AFF3: variants seen among roughly 807,000 people sequenced by gnomAD.
AFF3 encodes AF4/FMR2 family member 3.
AFF3 carries 32 observed loss-of-function variants against 129.7 expected under a neutral mutation model. The observed-to-expected ratio is 0.25, with a 90% confidence interval of 0.19 to 0.33. AFF3 has a LOEUF of 0.33. Among genes scored for constraint, AFF3 ranks in the 10% least tolerant of loss-of-function variants. The probability of loss-of-function intolerance (pLI) is 1.00; values close to 1 mark genes in which losing one functional copy is unlikely to be tolerated. For missense variants in AFF3, 1,373 were observed against 1,592.0 expected, an observed-to-expected ratio of 0.86 and a Z score of 2.34; for synonymous variants, 644 against 635.4, an observed-to-expected ratio of 1.01 and a Z score of -0.20.
At chr2:99,732,347 CAA>C (rs35379808) in intron 10 of AFF3, among the ~76,000 whole-genome samples, 11 of 74,868 alleles carry the variant, frequency 1.5e-4, no homozygotes, top group East Asian at 4.8e-4. Flanking sequence ...GACTCTGTCT[CAA>C]AAAAAAAAAA....
chr2:100,059,931 T>A (rs1405272744), intron 4 of AFF3, among the ~76,000 whole-genome samples: 1 of 152,174 alleles, frequency 6.6e-6, no homozygotes, highest in East Asian at 1.9e-4. Flanking sequence ...CCAGTCATGA[T>A]GCGTGTCTTT....
chr2:99,604,119 T>C (rs1680102757), intron 13 of AFF3, among the ~76,000 whole-genome samples: 1 of 152,230 alleles, frequency 6.6e-6, no homozygotes, highest in African/African-American at 2.4e-5. Flanking sequence ...ATCCCATTAC[T>C]GGGTATATAC....
chr2:99,666,084 G>C (rs1472929414), intron 12 of AFF3, among the ~76,000 whole-genome samples: 2 of 152,214 alleles, frequency 1.3e-5, no homozygotes, highest in African/African-American at 4.8e-5. Context: ...TCTCACAACA[G>C]GAGGACACAG....
intron 11 of AFF3, among the ~76,000 whole-genome samples, chr2:99,678,022 C>T (rs1674162741): frequency 6.6e-6 from 1 of 152,210 alleles, no homozygotes; most frequent in Non-Finnish European, 1.5e-5. Context: ...ACTTCTGTGT[C>T]CACTGTGTGG....
At chr2:100,020,663 C>T (rs1046168964) in intron 4 of AFF3, among the ~76,000 whole-genome samples, 1 of 152,024 alleles carries the variant, frequency 6.6e-6, no homozygotes. Context: ...TTTCCCATGC[C>T]CCCCATATCC....
chr2:99,750,401 C>CTTTTTTTTTTTCTTTTCTT (rs897269176), intron 9 of AFF3, among the ~76,000 whole-genome samples: 1 of 55,464 alleles, frequency 1.8e-5, no homozygotes, highest in Non-Finnish European at 4.1e-5. Flanking sequence ...GTAAAAAGTA[C>CTTTTTTTTTTTCTTTTCTT]TTTTTTTTTT....
At chr2:99,871,083 A>G (rs1691836724) in intron 7 of AFF3, among the ~76,000 whole-genome samples, 1 of 152,222 alleles carries the variant, frequency 6.6e-6, no homozygotes, top group Admixed American at 6.5e-5. Context: ...AAGCATTAAC[A>G]CAAACTTTGT....
At position 99,593,982 on chromosome 2, in the gene AFF3, G is replaced by T; in HGVS notation, c.1679C>A (p.Ala560Glu). 1 of 1,516,316 alleles carries T rather than the reference G, an allele frequency of 6.6e-7. No individual in the cohort carries two copies. Among genetic ancestry groups the T allele is most frequent in the Non-Finnish European group, 8.8e-7 (1 of 1,134,220 alleles). The allele number at this position is 1,516,316 out of a possible 1,614,324, so 93.9% of individuals were successfully genotyped here. ...PPAAVAVAVS[A>E]AAPPPAVPCA... ...GGGCACTGCGGGTGGCGGGGCGGCT[G>T]CGCTCACCGCCACGGCCACGGCCGC... Residue 560 changes from alanine (A) to glutamate (E), a missense_variant, in exon 15 of 25, where the codon GCA (alanine) becomes GAA (glutamate). Physicochemically the swap from Ala to Glu is moderately radical, Grantham distance 107. Transcript: ENST00000672756.
chr2:99,913,711 T>G (rs1195043253), intron 7 of AFF3, among the ~76,000 whole-genome samples: 1 of 152,098 alleles, frequency 6.6e-6, no homozygotes, highest in Non-Finnish European at 1.5e-5. Context: ...GAAATGATTC[T>G]AGAACATCTT....
chr2:99,782,045 C>T (rs1684450376), intron 8 of AFF3, among the ~76,000 whole-genome samples: 1 of 152,120 alleles, frequency 6.6e-6, no homozygotes, highest in Non-Finnish European at 1.5e-5. Context: ...TAAATGAACC[C>T]ACACACACTA....
chr2:99,725,031 T>C (rs914379440), intron 11 of AFF3, among the ~76,000 whole-genome samples: 4 of 150,170 alleles, frequency 2.7e-5, no homozygotes, highest in African/African-American at 9.8e-5. Flanking sequence ...AGTGCAGTGG[T>C]GCGATCTCTG....
chr2:99,698,842 G>A (rs2104753582), intron 11 of AFF3, among the ~76,000 whole-genome samples: 1 of 152,182 alleles, frequency 6.6e-6, no homozygotes, highest in South Asian at 2.1e-4. Flanking sequence ...TAACCAAAAT[G>A]TTATTTTTAG....
intron 8 of AFF3, among the ~76,000 whole-genome samples, chr2:99,817,517 T>C (rs1014372743): frequency 2.6e-5 from 4 of 152,354 alleles, no homozygotes; most frequent in African/African-American, 9.6e-5. Flanking sequence ...TCCAGATTAC[T>C]GCCTTTAGCT....
At chr2:100,094,163 T>C (rs1690095914) in intron 4 of AFF3, among the ~76,000 whole-genome samples, 1 of 152,208 alleles carries the variant, frequency 6.6e-6, no homozygotes, top group South Asian at 2.1e-4. Flanking sequence ...GTAGACGACT[T>C]TTTTTCCATG....
intron 11 of AFF3, among the ~76,000 whole-genome samples, chr2:99,699,251 C>T (rs1014655136): frequency 6.6e-6 from 1 of 152,214 alleles, no homozygotes; most frequent in Non-Finnish European, 1.5e-5. Context: ...CAGCTGCCTG[C>T]CACCTTCCAC....
intron 4 of AFF3, among the ~76,000 whole-genome samples, chr2:100,053,295 G>A (rs1465785650): frequency 6.6e-6 from 1 of 152,236 alleles, no homozygotes; most frequent in Non-Finnish European, 1.5e-5. Context: ...GTACCCGAGA[G>A]TTGACTCTGA....
At chr2:99,688,609 C>T (rs968078990) in intron 11 of AFF3, among the ~76,000 whole-genome samples, 27 of 152,092 alleles carry the variant, frequency 1.8e-4, no homozygotes, top group African/African-American at 5.3e-4. Flanking sequence ...ATTCTCGAGG[C>T]GCTCTTTCTT....
intron 8 of AFF3, among the ~76,000 whole-genome samples, chr2:99,756,431 T>C (rs1339081664): frequency 3.9e-5 from 6 of 152,256 alleles, no homozygotes; most frequent in Admixed American, 1.3e-4. Context: ...GGCTCTTAAG[T>C]GTAAATGTTT....
chr2:99,758,619 TC>T (rs1309357681), intron 8 of AFF3, among the ~76,000 whole-genome samples: 1 of 145,056 alleles, frequency 6.9e-6, no homozygotes, highest in African/African-American at 2.5e-5. Context: ...ATATGCATCA[TC>T]ACATCACAAT....
Sources: gnomAD v4.1 joint callset for allele counts (sites outside exome capture counted in the v4.1 genomes callset) on GRCh38, gnomAD v4.1.1 for gene constraint, MANE v1.5 for transcripts, NCBI Gene and HGNC (gene_info 2026-07-23, HGNC 2026-07-21) for gene names.